Variants in MRPL32 observed in about 807,000 individuals in gnomAD.
The protein encoded by MRPL32 is mitochondrial ribosomal protein L32, also known as large ribosomal subunit protein bL32m.
In MRPL32, 14 loss-of-function variants were observed where a neutral mutation model predicts 21.7. The observed-to-expected ratio is 0.64, with a 90% CI of 0.43 to 1.01. The LOEUF (loss-of-function observed/expected upper bound fraction) is 1.01, where lower values mean the gene tolerates loss of function less well. MRPL32 is among the 50% of genes least tolerant of loss of function. The pLI is 0.00. For missense variants in MRPL32, 211 were observed against 235.9 expected, an observed-to-expected ratio of 0.89 and a Z score of 0.69; for synonymous variants, 83 against 87.7, an observed-to-expected ratio of 0.95 and a Z score of 0.30.
chr7:42,935,543 A>G (rs1209313760), intron 2 of MRPL32: 4 of 154,672 alleles, frequency 2.6e-5, no homozygotes, highest in Admixed American at 6.4e-5. Context: ...AAGCCCTTAC[A>G]TATTTGTTTT....
chr7:42,933,717 T>C (rs1445578596), intron 1 of MRPL32, among the ~76,000 whole-genome samples: 2 of 152,156 alleles, frequency 1.3e-5, no homozygotes, highest in South Asian at 2.1e-4. Flanking sequence ...CAAGAAAATA[T>C]ATGCCACTAT....
At chr7:42,933,279 T>C (rs531681201) in intron 1 of MRPL32, among the ~76,000 whole-genome samples, 89 of 152,108 alleles carry the variant, frequency 5.9e-4, no homozygotes, top group African/African-American at 2.0e-3. Flanking sequence ...GCCGAGGTCA[T>C]CCTAGGATAC....
intron 2 of MRPL32, chr7:42,937,037 T>C (rs986372917): frequency 3.2e-5 from 16 of 494,996 alleles, no homozygotes; most frequent in Non-Finnish European, 4.8e-5. Context: ...TTAGGGGAAA[T>C]GAGTATTTCT....
At chr7:42,935,319 CTAGCCTGAGTATT>C (rs1210863625) in intron 2 of MRPL32, 183 bp downstream of exon 2, 2 of 507,796 alleles carry the variant, frequency 3.9e-6, no homozygotes, top group African/African-American at 1.9e-5. Context: ...CTGCTGTCCT[CTAGCCTGAGTATT>C]AGAAACACAG....
intron 2 of MRPL32, 91 bp downstream of exon 2, chr7:42,935,227 T>C: frequency 9.2e-7 from 1 of 1,083,112 alleles, no homozygotes; most frequent in Non-Finnish European, 1.3e-6. Flanking sequence ...AATAAATTAT[T>C]ATCAGATTAT....
chr7:42,933,856 T>C (rs1411648649), intron 1 of MRPL32, among the ~76,000 whole-genome samples: 1 of 152,226 alleles, frequency 6.6e-6, no homozygotes, highest in Non-Finnish European at 1.5e-5. Context: ...CAGACAGTCC[T>C]GAGCCTGTGT....
Position 42,932,399 on chromosome 7 carries a change from A to G in MRPL32, c.13A>G (p.Met5Val), listed in dbSNP as rs111980169. 5.2e-4 allele frequency: 836 copies of G among 1,606,374 alleles called. 5 individuals are homozygous for G. In the African/African-American group the frequency reaches 9.8e-3, roughly 19 times the overall value. The change falls in exon 1 of 3, where the codon ATG (methionine) becomes GTG (valine). Residue 5 changes from methionine (M) to valine (V), a missense_variant. By Grantham distance (21) the Met-to-Val change is conservative. Transcript: ENST00000223324. The part of the protein sequence containing the change: MALA[M>V]LVLVVSPWSA... ...TCCAGCAGGGAAAATGGCGCTGGCCATGCTGGTCTTGGTGGTTTCGCCGTG... is the reference window on the plus strand; with the variant it reads ...TCCAGCAGGGAAAATGGCGCTGGCCGTGCTGGTCTTGGTGGTTTCGCCGTG...
intron 1 of MRPL32, 91 bp from the exon 2 acceptor site, chr7:42,934,860 ATGTT>A (rs1354747864): frequency 2.3e-5 from 21 of 896,248 alleles, no homozygotes; most frequent in African/African-American, 1.7e-4. Context: ...GTGTGTGTGT[ATGTT>A]TGACCATTGA....
At chr7:42,935,845 G>A (rs1490112598) in intron 2 of MRPL32, 1 of 152,070 alleles carries the variant, frequency 6.6e-6, no homozygotes, top group Non-Finnish European at 1.5e-5. Context: ...CCTATCCTCA[G>A]ACAATTTCAG....
At chr7:42,936,988 A>G (rs560434663) in intron 2 of MRPL32, 6 of 373,224 alleles carry the variant, frequency 1.6e-5, no homozygotes, top group Middle Eastern at 7.1e-4. Flanking sequence ...TCACTTCATT[A>G]TGTTGACAAA....
At chr7:42,934,848 TTG>T (rs754229684) in intron 1 of MRPL32, 105 bp from the exon 2 acceptor site, 18 of 728,112 alleles carry the variant, frequency 2.5e-5, no homozygotes, top group South Asian at 1.4e-4. Flanking sequence ...TATATAGTTT[TTG>T]TGTGTGTGTA....
intron 2 of MRPL32, 63 bp from the exon 3 acceptor site, chr7:42,937,259 C>A: frequency 6.2e-7 from 1 of 1,611,452 alleles, no homozygotes; most frequent in South Asian, 1.1e-5. Context: ...TTGCTCCTGT[C>A]AGTGGTTATT....
intron 1 of MRPL32, among the ~76,000 whole-genome samples, chr7:42,932,719 AAT>A (rs1468062398): frequency 1.1e-4 from 15 of 133,812 alleles, no homozygotes; most frequent in African/African-American, 3.2e-4. Context: ...AAAAAAAAAA[AAT>A]TCCTCTGCTT....
intron 2 of MRPL32, 47 bp from the exon 3 acceptor site, chr7:42,937,275 G>A (rs773662312): frequency 6.8e-6 from 11 of 1,611,732 alleles, no homozygotes; most frequent in African/African-American, 4.0e-5. Context: ...TTATTTGTTC[G>A]TTATATTGCC....
Position 42,937,550 on chromosome 7 carries a change from C to T in MRPL32, c.541C>T (p.Arg181Ter), listed in dbSNP as rs752287085. 1.9e-5 allele frequency: 31 copies of T among 1,611,638 alleles called. No individual in the cohort carries two copies. Among genetic ancestry groups the T allele is most frequent in the Non-Finnish European group, 2.0e-5 (23 of 1,178,852 alleles). Residue 181 changes from arginine (R) to a stop codon, truncating the protein, a stop_gained, in exon 3 of 3, where the codon CGA becomes TGA. Coordinates refer to ENST00000223324, the MANE Select transcript of MRPL32 (RefSeq NM_031903.3). LOFTEE classifies it high-confidence loss of function. ...GAGGATCATTGAACGAGACAGAAAG[C>T]GACCATCCTGGTTCACCCAGAATTG... ...GKRIIERDRK[R>*]PSWFTQN
Position 42,937,299 on chromosome 7 carries a change from C to T in MRPL32, c.313-23C>T, listed in dbSNP as rs759842047. On this transcript the variant is annotated intron_variant, in intron 2 of 2. Coordinates refer to ENST00000223324, the MANE Select transcript of MRPL32 (RefSeq NM_031903.3). ...CGTTATATTGCCTCATGTTAAAATA[C>T]GTTTTTGTTTATTGTTTTAAAGAAC... 24 of 1,612,478 alleles carry T rather than the reference C, an allele frequency of 1.5e-5. No homozygotes were observed. The Admixed American group carries it at 1.8e-4, about 12-fold the overall frequency.
At chr7:42,932,836 G>T (rs1436509936) in intron 1 of MRPL32, among the ~76,000 whole-genome samples, 1 of 73,672 alleles carries the variant, frequency 1.4e-5, no homozygotes, top group African/African-American at 3.1e-5. Context: ...AACTACTGCA[G>T]GTAAAGAGCT....
Position 42,937,700 on chromosome 7 carries a change from G to A in MRPL32, c.*124G>A, listed in dbSNP as rs1384257693. The A allele has an allele frequency of 9.5e-7, 1 of 1,049,196 alleles. No individual in the cohort carries two copies. The highest frequency in any genetic ancestry group is 1.3e-6 in the Non-Finnish European group (1 of 760,334). 65.0% of individuals were successfully genotyped at this position (1,049,196 alleles called of 1,614,324 possible). A position where few individuals can be genotyped will look rare whatever the true frequency, so the allele number is the denominator to read the frequency against. On this transcript the variant is annotated 3_prime_UTR_variant, in exon 3 of 3. Coordinates refer to ENST00000223324, the MANE Select transcript of MRPL32 (RefSeq NM_031903.3). ...TAGTTTAACACATTCTTTCTAAGCA[G>A]TTTTGTGTGGGATAATTTGAAGAAT...
chr7:42,936,413 T>G (rs1036584976), intron 2 of MRPL32: 1 of 152,172 alleles, frequency 6.6e-6, no homozygotes, highest in African/African-American at 2.4e-5. Flanking sequence ...CAATCCAGTT[T>G]CCAGTAGTGG....
Sources: gnomAD v4.1 joint callset for allele counts (sites outside exome capture counted in the v4.1 genomes callset) on GRCh38, gnomAD v4.1.1 for gene constraint, MANE v1.5 for transcripts, NCBI Gene and HGNC (gene_info 2026-07-23, HGNC 2026-07-21) for gene names.